PROS1: variants seen among roughly 807,000 people sequenced by gnomAD.
PROS1 encodes vitamin K-dependent protein S.
PROS1 carries 29 observed loss-of-function variants against 75.9 expected under a neutral mutation model. The observed-to-expected ratio is 0.38, with a 90% confidence interval of 0.28 to 0.52. The LOEUF (loss-of-function observed/expected upper bound fraction) is 0.52, where lower values mean the gene tolerates loss of function less well. Among genes scored for constraint, PROS1 ranks in the 20% least tolerant of loss-of-function variants. The pLI, the probability that PROS1 is intolerant of heterozygous loss-of-function variation, is 0.83. For synonymous variants in PROS1, 245 were observed against 280.6 expected, an observed-to-expected ratio of 0.87 and a Z score of 1.27; for missense variants, 680 against 810.3, an observed-to-expected ratio of 0.84 and a Z score of 1.95.
rs755038574 is a variant in PROS1, at chr3:93,884,809, G to T, written c.1411C>A (p.Gln471Lys). The T allele has an allele frequency of 1.2e-6, 2 of 1,613,494 alleles. No individual in the cohort carries two copies. Among genetic ancestry groups the T allele is most frequent in the South Asian group, 2.2e-5 (2 of 91,012 alleles). ...SGIKEIIQEK[Q>K]NKHCLVTVEK... ...ACAGTAACCAGGCAATGCTTATTTT[G>T]TTTTTCTTGAATAATTTCCTTTATT... Residue 471 changes from glutamine (Q) to lysine (K), a missense_variant, in exon 12 of 15, where the codon CAA becomes AAA. Physicochemically the swap from Gln to Lys is moderately conservative, Grantham distance 53. Transcript: ENST00000394236.
intron 6 of PROS1, among the ~76,000 whole-genome samples, chr3:93,904,356 A>G (rs1184177450): frequency 6.6e-6 from 1 of 152,216 alleles, no homozygotes; most frequent in African/African-American, 2.4e-5. Flanking sequence ...TCCAAACTCA[A>G]ACAGACCTTC....
At chr3:93,904,321 G>A (rs1325863116) in intron 6 of PROS1, among the ~76,000 whole-genome samples, 6 of 152,040 alleles carry the variant, frequency 3.9e-5, no homozygotes, top group Non-Finnish European at 5.9e-5. Context: ...AGTCCTTTGG[G>A]TATATATTCT....
chr3:93,920,452 A>T (rs915139737), intron 3 of PROS1, among the ~76,000 whole-genome samples: 2 of 152,252 alleles, frequency 1.3e-5, no homozygotes, highest in Admixed American at 1.3e-4. Context: ...GAATGCTATC[A>T]TCTTTTTAAT....
chr3:93,911,991 G>C (rs1173103647), intron 3 of PROS1, among the ~76,000 whole-genome samples: 1 of 152,176 alleles, frequency 6.6e-6, no homozygotes, highest in Admixed American at 6.5e-5. Flanking sequence ...CAGATTAAAA[G>C]ATTCATTTGA....
intron 6 of PROS1, among the ~76,000 whole-genome samples, chr3:93,902,131 A>G (rs543052294): frequency 6.6e-6 from 1 of 151,978 alleles, no homozygotes; most frequent in South Asian, 2.1e-4. Flanking sequence ...CTACATATTA[A>G]AAACAAAAAA....
chr3:93,957,886 C>T (rs911803577), intron 1 of PROS1, among the ~76,000 whole-genome samples: 14 of 151,896 alleles, frequency 9.2e-5, no homozygotes, highest in African/African-American at 1.2e-4. Flanking sequence ...ATCAGGAGTT[C>T]GAGACCAGCC....
chr3:93,973,857 T>C lies in PROS1; in HGVS notation c.-108A>G, dbSNP rs1709932385. The stretch of plus-strand genomic sequence containing the variant: ...CTGTGCGCCTCGGTCTGAGCCGTGC[T>C]GCGCGGCGGCGCCAGCGACCCAGCG... On this transcript the variant is annotated 5_prime_UTR_variant, in exon 1 of 15. Transcript: ENST00000394236. The C allele has an allele frequency of 3.3e-6, 3 of 904,252 alleles. No homozygotes were observed. In the East Asian group the frequency reaches 1.1e-4, roughly 32 times the overall value. The allele number at this position is 904,252 out of a possible 1,614,324, so 56.0% of individuals were successfully genotyped here. A position where few individuals can be genotyped will look rare whatever the true frequency, so the allele number is the denominator to read the frequency against.
At chr3:93,892,843 A>G (rs1441870704) in intron 10 of PROS1, 90 bp downstream of exon 10, 2 of 1,266,818 alleles carry the variant, frequency 1.6e-6, no homozygotes, top group African/African-American at 1.5e-5. Context: ...CTCCAAATCC[A>G]TTTTGGTTTG....
At chr3:93,891,186 C>T (rs1708426435) in intron 10 of PROS1, among the ~76,000 whole-genome samples, 1 of 152,116 alleles carries the variant, frequency 6.6e-6, no homozygotes, top group Non-Finnish European at 1.5e-5. Flanking sequence ...GCCAGCTCCT[C>T]TAGGCATAAA....
chr3:93,964,813 G>C (rs1028289317), intron 1 of PROS1, among the ~76,000 whole-genome samples: 2 of 152,138 alleles, frequency 1.3e-5, no homozygotes, highest in South Asian at 4.1e-4. Flanking sequence ...CGGAGGTGCA[G>C]CTGTAAAATT....
At chr3:93,971,556 T>C (rs1709881527) in intron 1 of PROS1, among the ~76,000 whole-genome samples, 1 of 150,274 alleles carries the variant, frequency 6.7e-6, no homozygotes, top group African/African-American at 2.5e-5. Flanking sequence ...GCTTGAACCC[T>C]GGAGTTCAAG....
At chr3:93,927,537 A>C in intron 1 of PROS1, 130 bp from the exon 2 acceptor site, 4 of 1,131,102 alleles carry the variant, frequency 3.5e-6, no homozygotes, top group Non-Finnish European at 4.9e-6. Context: ...GTATGATCGA[A>C]CTAAGAAAAA....
intron 10 of PROS1, among the ~76,000 whole-genome samples, chr3:93,887,477 G>C (rs933603865): frequency 1.3e-5 from 2 of 152,072 alleles, no homozygotes; most frequent in African/African-American, 4.8e-5. Context: ...TAAAACTATA[G>C]CACTCAAAGA....
chr3:93,925,712 G>C (rs8178613), intron 2 of PROS1, among the ~76,000 whole-genome samples: 1 of 150,638 alleles, frequency 6.6e-6, no homozygotes. Context: ...TAGTCTCAGC[G>C]ACACAGGAGG....
intron 1 of PROS1, among the ~76,000 whole-genome samples, chr3:93,966,963 G>C (rs1047492780): frequency 6.6e-6 from 1 of 152,114 alleles, no homozygotes; most frequent in Non-Finnish European, 1.5e-5. Flanking sequence ...TCCAATTTTT[G>C]AAACGTATAA....
chr3:93,904,433 TGTA>T (rs1433880566), intron 6 of PROS1, among the ~76,000 whole-genome samples: 1 of 152,220 alleles, frequency 6.6e-6, no homozygotes, highest in Non-Finnish European at 1.5e-5. Flanking sequence ...TTGTTGTTAA[TGTA>T]GTTCACTTTA....
chr3:93,903,513 T>C (rs1708628846), intron 6 of PROS1, among the ~76,000 whole-genome samples: 1 of 151,980 alleles, frequency 6.6e-6, no homozygotes. Flanking sequence ...GTACAAAAGC[T>C]ACAAACATTA....
intron 1 of PROS1, among the ~76,000 whole-genome samples, chr3:93,952,108 C>T (rs1308537147): frequency 1.3e-5 from 2 of 152,178 alleles, no homozygotes; most frequent in Admixed American, 1.3e-4. Flanking sequence ...TAGAAAGAGA[C>T]TTAGACTCCC....
intron 1 of PROS1, among the ~76,000 whole-genome samples, chr3:93,945,636 G>A (rs564720685): frequency 6.6e-5 from 10 of 152,136 alleles, no homozygotes; most frequent in East Asian, 3.9e-4. Context: ...CTCTCAATAA[G>A]CTAGGTATTG....
Sources: allele counts gnomAD v4.1 joint callset (sites outside exome capture counted in the v4.1 genomes callset), GRCh38; gene constraint gnomAD v4.1.1; transcripts MANE v1.5; gene names NCBI Gene and HGNC (gene_info 2026-07-23, HGNC 2026-07-21).